TMOD1: variants seen among roughly 807,000 people sequenced by gnomAD.
The protein encoded by TMOD1 is tropomodulin 1.
In TMOD1, 17 loss-of-function variants were observed where a neutral mutation model predicts 40.6. That is an observed-to-expected ratio of 0.42 (90% CI 0.29 to 0.63). TMOD1 has a LOEUF of 0.63. Ranked by LOEUF, TMOD1 falls within the 20% of genes least tolerant of loss-of-function variation. The pLI is 0.22. For synonymous variants in TMOD1, 181 were observed against 175.0 expected (o/e 1.03, Z -0.27); for missense variants, 391 against 447.6 (o/e 0.87, Z 1.14).
intron 4 of TMOD1, chr9:97,555,542 C>A: frequency 6.7e-7 from 1 of 1,490,166 alleles, no homozygotes; most frequent in South Asian, 1.4e-5. Flanking sequence ...TGTAACGACG[C>A]AATATGCTGC....
intron 1 of TMOD1, among the ~76,000 whole-genome samples, chr9:97,515,839 C>G (rs536978539): frequency 2.5e-4 from 38 of 152,152 alleles, no homozygotes; most frequent in Non-Finnish European, 4.1e-4. Context: ...CTCCTCGGCT[C>G]TCTTCTATCT....
At chr9:97,547,870 T>G (rs1830389980) in intron 3 of TMOD1, among the ~76,000 whole-genome samples, 1 of 152,196 alleles carries the variant, frequency 6.6e-6, no homozygotes, top group Non-Finnish European at 1.5e-5. Flanking sequence ...CAAGTGGTAC[T>G]CCCAGCATGC....
In TMOD1 at chr9:97,559,819, A is replaced by C. The variant is rs76604711; in HGVS notation, c.398-2913A>C. 3.5e-3 allele frequency among the ~76,000 whole-genome samples: 146 copies of C among 41,310 alleles called. 4 individuals carry two copies. The highest frequency in any genetic ancestry group is 3.8e-3 in the Non-Finnish European group (79 of 21,054). The allele number at this position is 41,310 out of a possible 152,430, so 27.1% of individuals were successfully genotyped here. On this transcript the variant is annotated intron_variant, in intron 4 of 9. Transcript: ENST00000259365. The stretch of plus-strand genomic sequence containing the variant: ...AATATATATATATATATATATATAT[A>C]TATATGTCTATCTATCTATCTATCT...
In TMOD1 at chr9:97,513,390, G is replaced by T. The variant is rs752772954; in HGVS notation, c.-48-10751G>T. 2.5e-4 allele frequency among the ~76,000 whole-genome samples: 38 copies of T among 152,192 alleles called. No homozygotes were observed. The highest frequency in any genetic ancestry group is 4.9e-4 in the Non-Finnish European group (33 of 68,034). Reference sequence around the variant, plus strand: ...GCCTGAGGCTGCCCAGTCAGCTAGAGCCAGGGGTAGGGATTTCAGCCCAGG... The same window carrying T: ...GCCTGAGGCTGCCCAGTCAGCTAGATCCAGGGGTAGGGATTTCAGCCCAGG... On this transcript the variant is annotated intron_variant, in intron 1 of 9. Coordinates refer to ENST00000259365, the MANE Select transcript of TMOD1 (RefSeq NM_003275.4). The surrounding 1 kb of genome is among the most constrained non-coding windows in gnomAD (Gnocchi z 4.1).
At chr9:97,577,247 G>A (rs1408519302) in intron 8 of TMOD1, among the ~76,000 whole-genome samples, 1 of 149,226 alleles carries the variant, frequency 6.7e-6, no homozygotes, top group Non-Finnish European at 1.5e-5. Flanking sequence ...GTTCCTCAGC[G>A]TGTGGACACT....
At position 97,582,488 on chromosome 9, in the gene TMOD1, T is replaced by C. The variant is rs1825779797; in HGVS notation, c.871-8803T>C. ...GGATTGACTTGGCGATGCAGGCTCT[T>C]TTTTGGTTCCATATGAACTTTAAAG... On this transcript the variant is annotated intron_variant, in intron 8 of 9. Transcript: ENST00000259365. 2.1e-5 allele frequency among the ~76,000 whole-genome samples: 3 copies of C among 146,294 alleles called. No homozygotes were observed. The South Asian group carries it at 6.5e-4, about 32-fold the overall frequency.
At chr9:97,549,400 G>T (rs1830414822) in intron 3 of TMOD1, among the ~76,000 whole-genome samples, 1 of 151,816 alleles carries the variant, frequency 6.6e-6, no homozygotes, top group Admixed American at 6.5e-5. Context: ...CAGTGGCTCA[G>T]AGTCACCATC....
chr9:97,535,420 C>A (rs1312333723), intron 2 of TMOD1, among the ~76,000 whole-genome samples: 1 of 152,162 alleles, frequency 6.6e-6, no homozygotes, highest in African/African-American at 2.4e-5. Context: ...TCTCTCCCTG[C>A]GATGCCCCTG....
Position 97,546,186 on chromosome 9 carries a change from A to AG in TMOD1, c.122_123insG (p.Asn41LysfsTer23). 1 of 1,609,980 alleles carries AG rather than the reference A, an allele frequency of 6.2e-7. No homozygotes were observed. Among genetic ancestry groups the AG allele is most frequent in the Non-Finnish European group, 8.5e-7 (1 of 1,178,848 alleles). On this transcript the variant is annotated frameshift_variant and splice_region_variant, in exon 3 of 10. Coordinates refer to ENST00000259365, the MANE Select transcript of TMOD1 (RefSeq NM_003275.4). LOFTEE classifies it high-confidence loss of function. ...GCCCCCCCACAACCTCCAATGTAGA[A>AG]TGCACTGCTGCCTGCAGGCCTGAGG...
At chr9:97,546,107 A>G (rs1354405705) in intron 2 of TMOD1, 78 bp from the exon 3 acceptor site, 3 of 1,488,740 alleles carry the variant, frequency 2.0e-6, no homozygotes, top group Non-Finnish European at 9.0e-7. Flanking sequence ...GAGAAGTGCA[A>G]GTCTTCAGCA....
At chr9:97,508,329 C>T (rs1009149945) in intron 1 of TMOD1, among the ~76,000 whole-genome samples, 9 of 152,060 alleles carry the variant, frequency 5.9e-5, no homozygotes, top group African/African-American at 2.2e-4. Flanking sequence ...GCTGGGACTA[C>T]AGGTGCACAC....
chr9:97,578,788 C>T (rs1825675747), intron 8 of TMOD1, among the ~76,000 whole-genome samples: 1 of 152,246 alleles, frequency 6.6e-6, no homozygotes, highest in African/African-American at 2.4e-5. Context: ...GAAGCATCAG[C>T]TTTGCAGAGG....
At chr9:97,537,311 C>T (rs139052080) in intron 2 of TMOD1, among the ~76,000 whole-genome samples, 3 of 152,260 alleles carry the variant, frequency 2.0e-5, no homozygotes, top group African/African-American at 2.4e-5. Flanking sequence ...CATGTGTGAT[C>T]GTGCGTGCCT....
rs1829626236 is a variant in TMOD1, at chr9:97,508,223, C to T, written c.-49+6420C>T. On this transcript the variant is annotated intron_variant, in intron 1 of 9. Coordinates refer to ENST00000259365, the MANE Select transcript of TMOD1 (RefSeq NM_003275.4). ...TTTTTTTTTGAGACAGAGTCTCGCT[C>T]TGTCACCCAGGCTGGAGGGCAGTGG... is the stretch of plus-strand genomic sequence containing the variant. Among the ~76,000 whole-genome samples the T allele has an allele frequency of 2.0e-5, 3 of 151,978 alleles. No individual in the cohort carries two copies. The South Asian group carries it at 6.2e-4, about 32-fold the overall frequency.
At chr9:97,568,494 G>A (rs760714821) in intron 7 of TMOD1, among the ~76,000 whole-genome samples, 19 of 152,144 alleles carry the variant, frequency 1.2e-4, no homozygotes, top group Non-Finnish European at 1.9e-4. Context: ...GAATGCCCTC[G>A]AAAGATGGGT....
chr9:97,593,960 C>T (rs905632384), intron 9 of TMOD1, among the ~76,000 whole-genome samples: 5 of 152,020 alleles, frequency 3.3e-5, no homozygotes, highest in African/African-American at 1.2e-4. Flanking sequence ...GAGGGAACAG[C>T]ATGAGCAAAG....
At chr9:97,535,271 G>C (rs537334213) in intron 2 of TMOD1, among the ~76,000 whole-genome samples, 51 of 152,212 alleles carry the variant, frequency 3.4e-4, no homozygotes, top group African/African-American at 1.2e-3. Flanking sequence ...TGCTGGTCCC[G>C]GCAAGACTCA....
At chr9:97,576,150 G>A (rs2805802) in intron 8 of TMOD1, among the ~76,000 whole-genome samples, 37,229 of 152,036 alleles carry the variant, frequency 0.24, 5,273 homozygotes, top group African/African-American at 0.38. Context: ...AATATTAAAT[G>A]AAAAAGGTGG....
intron 2 of TMOD1, among the ~76,000 whole-genome samples, chr9:97,535,270 C>T (rs997377361): frequency 3.9e-5 from 6 of 152,240 alleles, no homozygotes; most frequent in South Asian, 2.1e-4. Flanking sequence ...CTGCTGGTCC[C>T]GGCAAGACTC....
Sources: allele counts gnomAD v4.1 joint callset (sites outside exome capture counted in the v4.1 genomes callset), GRCh38; gene constraint gnomAD v4.1.1; non-coding constraint Gnocchi (gnomAD v3.1); transcripts MANE v1.5; gene names NCBI Gene and HGNC (gene_info 2026-07-23, HGNC 2026-07-21).